LRIG3: variants seen among roughly 807,000 people sequenced by gnomAD.
LRIG3 encodes the protein leucine rich repeats and immunoglobulin like domains 3.
LRIG3 carries 76 observed loss-of-function variants against 114.5 expected under a neutral mutation model. The observed-to-expected ratio is 0.66, with a 90% CI of 0.55 to 0.80. LRIG3 has a LOEUF of 0.80. LRIG3 is among the 30% of genes least tolerant of loss of function. The probability of loss-of-function intolerance (pLI) is 0.00; values close to 1 mark genes in which losing one functional copy is unlikely to be tolerated. For missense variants in LRIG3, 1,239 were observed against 1,382.8 expected (o/e 0.90, Z 1.65); for synonymous variants, 512 against 519.8 (o/e 0.98, Z 0.20).
Position 58,885,909 on chromosome 12 carries a change from A to G in LRIG3, c.1173-7T>C, listed in dbSNP as rs762980834. 15 of 1,561,854 alleles carry G rather than the reference A, an allele frequency of 9.6e-6. 1 individual carries two copies. The highest frequency in any genetic ancestry group is 8.0e-5 in the South Asian group (7 of 87,236). On this transcript the variant is annotated splice_polypyrimidine_tract_variant and splice_region_variant and intron_variant, in intron 9 of 18. Transcript: ENST00000320743. ...CCGATTTCCTTGGAGTATCCTGGGG[A>G]AAAAAATTACATTGGAGCACTTAAT... is the stretch of plus-strand genomic sequence containing the variant.
chr12:58,876,039 G>A (rs138640565), intron 16 of LRIG3, among the ~76,000 whole-genome samples: 2,288 of 152,266 alleles, frequency 0.015, 57 homozygotes, highest in African/African-American at 0.051. Flanking sequence ...GTGACAGAGC[G>A]AGACTTCGTC....
At chr12:58,908,289 A>C (rs1032343894) in intron 3 of LRIG3, among the ~76,000 whole-genome samples, 1 of 152,206 alleles carries the variant, frequency 6.6e-6, no homozygotes, top group Non-Finnish European at 1.5e-5. Context: ...TAACATGGGC[A>C]GTTTTCCTTC....
chr12:58,902,695 A>C, intron 3 of LRIG3, among the ~76,000 whole-genome samples: 1 of 148,510 alleles, frequency 6.7e-6, no homozygotes, highest in Admixed American at 6.7e-5. Context: ...CATTAGTTAT[A>C]TCTCCTAATG....
intron 3 of LRIG3, among the ~76,000 whole-genome samples, chr12:58,908,513 C>T (rs1368134301): frequency 1.3e-5 from 2 of 152,198 alleles, no homozygotes; most frequent in African/African-American, 2.4e-5. Context: ...TTTCCCACCT[C>T]ATACATACTC....
intron 10 of LRIG3, among the ~76,000 whole-genome samples, chr12:58,884,555 G>C (rs1478334590): frequency 1.3e-5 from 2 of 152,186 alleles, no homozygotes; most frequent in Non-Finnish European, 2.9e-5. Context: ...CTTTTGGCTA[G>C]TTTTCTTTTC....
At chr12:58,908,788 T>C (rs2120971904) in intron 3 of LRIG3, among the ~76,000 whole-genome samples, 1 of 152,340 alleles carries the variant, frequency 6.6e-6, no homozygotes, top group African/African-American at 2.4e-5. Context: ...TCCATGAATA[T>C]TCTTTAATTC....
intron 1 of LRIG3, among the ~76,000 whole-genome samples, chr12:58,916,194 C>T (rs1342646030): frequency 6.6e-6 from 1 of 152,218 alleles, no homozygotes; most frequent in South Asian, 2.1e-4. Context: ...AAGATTCCTC[C>T]TACAAAAGAC....
chr12:58,875,181 G>A (rs886166577), intron 16 of LRIG3, among the ~76,000 whole-genome samples: 6 of 152,214 alleles, frequency 3.9e-5, no homozygotes, highest in African/African-American at 1.4e-4. Context: ...TACTCTGGGA[G>A]CAGCCTCATC....
intron 3 of LRIG3, 38 bp downstream of exon 3, chr12:58,913,944 G>C: frequency 6.5e-7 from 1 of 1,548,754 alleles, no homozygotes; most frequent in Non-Finnish European, 8.8e-7. Context: ...CAAGGTTCCT[G>C]CAAACATACA....
At chr12:58,882,061 T>A (rs1041818264) in intron 12 of LRIG3, among the ~76,000 whole-genome samples, 48 of 152,238 alleles carry the variant, frequency 3.2e-4, no homozygotes, top group Admixed American at 2.6e-4. Context: ...CACTGCTTAA[T>A]GCTGCAACCT....
chr12:58,912,005 A>G (rs1276550449), intron 3 of LRIG3, among the ~76,000 whole-genome samples: 4 of 152,208 alleles, frequency 2.6e-5, no homozygotes, highest in Non-Finnish European at 4.4e-5. Context: ...AGACGAACAA[A>G]GCAATCACTG....
chr12:58,904,543 T>C (rs563324566), intron 3 of LRIG3, among the ~76,000 whole-genome samples: 5 of 152,320 alleles, frequency 3.3e-5, no homozygotes, highest in Admixed American at 3.3e-4. Flanking sequence ...TGGCAAGCTA[T>C]ACTGAAAAGT....
chr12:58,892,122 T>C (rs184026005), intron 3 of LRIG3, among the ~76,000 whole-genome samples: 22 of 152,274 alleles, frequency 1.4e-4, no homozygotes, highest in Non-Finnish European at 2.5e-4. Context: ...AATGCAGCAT[T>C]AAATGACAAT....
Position 58,872,703 on chromosome 12 carries a change from A to C in LRIG3, c.3229T>G (p.Leu1077Val). ...CCATCTTCCTCTGACCCAGAGTCCA[A>C]GTCTGGGGAAGAATGAGCTTTCAAA... is the stretch of plus-strand genomic sequence containing the variant. ...FYLKAHSSPD[L>V]DSGSEEDGKE... Residue 1077 changes from leucine to valine, a missense_variant, in exon 19 of 19, where the codon TTG (leucine) becomes GTG (valine). By Grantham distance (32) the Leu-to-Val change is conservative. Coordinates refer to ENST00000320743, the MANE Select transcript of LRIG3 (RefSeq NM_153377.5). 6.2e-7 allele frequency: 1 copy of C among 1,614,098 alleles called. No individual in the cohort carries two copies. The highest frequency in any genetic ancestry group is 1.1e-5 in the South Asian group (1 of 91,086).
At chr12:58,912,301 C>T (rs1365452618) in intron 3 of LRIG3, among the ~76,000 whole-genome samples, 1 of 152,136 alleles carries the variant, frequency 6.6e-6, no homozygotes, top group Non-Finnish European at 1.5e-5. Flanking sequence ...TCGAGACCAT[C>T]CTGGCTAACA....
At chr12:58,885,706 T>C (rs1362848283) in intron 10 of LRIG3, 125 bp downstream of exon 10, 2 of 494,270 alleles carry the variant, frequency 4.0e-6, no homozygotes, top group Non-Finnish European at 3.5e-6. Context: ...GATGTTTAAA[T>C]ATATTTTATG....
At position 58,878,976 on chromosome 12, in the gene LRIG3, A is replaced by T; in HGVS notation, c.1931T>A (p.Phe644Tyr). 1 of 1,614,122 alleles carries T rather than the reference A, an allele frequency of 6.2e-7. No individual in the cohort carries two copies. The highest frequency in any genetic ancestry group is 8.5e-7 in the Non-Finnish European group (1 of 1,180,016). ...IAWQKDGGTDFPAARERRMHV... is the reference protein window; with the variant it reads ...IAWQKDGGTDYPAARERRMHV... The stretch of plus-strand genomic sequence containing the variant: ...CATGCGTCTCTCCCGTGCAGCTGGG[A>T]AGTCTGTGCCCCCATCCTTCTGCCA... Residue 644 changes from phenylalanine (F) to tyrosine (Y), a missense_variant, in exon 14 of 19, where the codon TTC (phenylalanine) becomes TAC (tyrosine). Phe to Tyr is a conservative substitution (Grantham distance 22, BLOSUM62 3). Coordinates refer to ENST00000320743, the MANE Select transcript of LRIG3 (RefSeq NM_153377.5).
At chr12:58,885,386 G>A (rs1319831488) in intron 10 of LRIG3, among the ~76,000 whole-genome samples, 1 of 152,056 alleles carries the variant, frequency 6.6e-6, no homozygotes, top group Non-Finnish European at 1.5e-5. Flanking sequence ...CTGTCCAGTG[G>A]AATCAATAAA....
chr12:58,877,432 C>T lies in LRIG3; in HGVS notation c.2504G>A (p.Arg835Gln), dbSNP rs544777434. Reference protein sequence around the residue: ...VWVVIIYHTRRRNEDCSITNT... With the variant: ...VWVVIIYHTRQRNEDCSITNT... The stretch of plus-strand genomic sequence containing the variant: ...GGTAATGCTGCAATCTTCATTCCTC[C>T]GCCTTGTGTGGTATATGATGACCAC... Residue 835 changes from arginine (R) to glutamine (Q), a missense_variant, in exon 15 of 19, where the codon CGG becomes CAG. Transcript: ENST00000320743. 219 of 1,613,918 alleles carry T rather than the reference C, an allele frequency of 1.4e-4. No individual in the cohort carries two copies. Among genetic ancestry groups the T allele is most frequent in the Non-Finnish European group, 1.7e-4 (204 of 1,179,950 alleles).
Sources: gnomAD v4.1 joint callset for allele counts (sites outside exome capture counted in the v4.1 genomes callset) on GRCh38, gnomAD v4.1.1 for gene constraint, MANE v1.5 for transcripts, NCBI Gene and HGNC (gene_info 2026-07-23, HGNC 2026-07-21) for gene names.